The following SLC41A3 variants were observed in gnomAD, a reference collection of about 807,000 sequenced individuals.
SLC41A3 encodes the protein solute carrier family 41 member 3, also known as SLC41A1-like 2.
A neutral mutation model predicts 45.4 loss-of-function variants in SLC41A3; 44 were observed. The observed-to-expected ratio is 0.97, with a 90% CI of 0.76 to 1.25. SLC41A3 has a LOEUF of 1.25. Among genes scored for constraint, SLC41A3 ranks in the 50% most tolerant of loss-of-function variants. SLC41A3 has a pLI of 0.00. For missense variants in SLC41A3, 550 were observed against 600.6 expected (o/e 0.92, Z 0.88); for synonymous variants, 256 against 252.4 (o/e 1.01, Z -0.13).
intron 6 of SLC41A3, 87 bp from the exon 7 acceptor site, chr3:126,016,962 G>C: frequency 3.9e-6 from 6 of 1,537,024 alleles, no homozygotes; most frequent in Middle Eastern, 1.9e-4. Context: ...TGAGAGGTGG[G>C]TGAGGACGCT....
At chr3:126,078,150 G>A (rs1364838454) in intron 1 of SLC41A3, among the ~76,000 whole-genome samples, 2 of 152,108 alleles carry the variant, frequency 1.3e-5, no homozygotes, top group Admixed American at 6.5e-5. Context: ...CCACAGGCAG[G>A]AATGGCCACT....
At chr3:126,012,827 C>T in intron 8 of SLC41A3, 78 bp from the exon 9 acceptor site, 1 of 1,577,100 alleles carries the variant, frequency 6.3e-7, no homozygotes, top group South Asian at 1.1e-5. Context: ...AAGTTCCCTT[C>T]CTCCAGGAAG....
intron 9 of SLC41A3, among the ~76,000 whole-genome samples, chr3:126,009,300 G>T (rs1212577630): frequency 6.6e-6 from 1 of 152,172 alleles, no homozygotes; most frequent in Non-Finnish European, 1.5e-5. Context: ...GCTTAAGGAG[G>T]AAAAGAGCTT....
intron 2 of SLC41A3, among the ~76,000 whole-genome samples, chr3:126,067,093 G>GCGCGCGCCCCCCCCCCCCCCCC (rs1559877784): frequency 5.4e-5 from 4 of 74,552 alleles, no homozygotes; most frequent in African/African-American, 1.4e-4. Context: ...GGGTTGGACC[G>GCGCGCGCCCCCCCCCCCCCCCC]CCCCCCCGCC....
chr3:126,033,765 A>G (rs1941981259), intron 3 of SLC41A3, 87 bp from the exon 4 acceptor site: 2 of 1,348,878 alleles, frequency 1.5e-6, no homozygotes, highest in Non-Finnish European at 2.1e-6. Context: ...CTCTCAGGGA[A>G]GAAATCAACA....
At chr3:126,059,777 G>A (rs1165937036) in intron 2 of SLC41A3, among the ~76,000 whole-genome samples, 2 of 152,124 alleles carry the variant, frequency 1.3e-5, no homozygotes, top group Non-Finnish European at 2.9e-5. Flanking sequence ...CTGGTTTAAA[G>A]GCATCACCTG....
At chr3:126,010,172 T>C (rs1162805181) in intron 9 of SLC41A3, among the ~76,000 whole-genome samples, 1 of 152,060 alleles carries the variant, frequency 6.6e-6, no homozygotes, top group Non-Finnish European at 1.5e-5. Flanking sequence ...CAGATACAAA[T>C]AGACAAAAAA....
At chr3:126,089,147 A>G (rs962073256), upstream of SLC41A3, among the ~76,000 whole-genome samples, 1 of 152,176 alleles carries the variant, frequency 6.6e-6, no homozygotes, top group Non-Finnish European at 1.5e-5. Flanking sequence ...TACCGAAGTC[A>G]TGGTAAATTT....
chr3:126,006,763 G>A lies in SLC41A3; in HGVS notation c.*253C>T. On this transcript the variant is annotated 3_prime_UTR_variant, in exon 11 of 11. Transcript: ENST00000360370. Reference sequence around the variant, plus strand: ...CCTCTCCACAAACGTGTGCACACTTGCACGCTCATTAAGCATGTGCACACA... The same window carrying A: ...CCTCTCCACAAACGTGTGCACACTTACACGCTCATTAAGCATGTGCACACA... 6.9e-7 allele frequency: 1 copy of A among 1,443,018 alleles called. No individual in the cohort carries two copies. The highest frequency in any genetic ancestry group is 2.5e-5 in the East Asian group (1 of 40,186). The allele number at this position is 1,443,018 out of a possible 1,614,324, so 89.4% of individuals were successfully genotyped here. A position where few individuals can be genotyped will look rare whatever the true frequency, so the allele number is the denominator to read the frequency against.
chr3:126,096,186 AC>A (rs2108139042), intron 1 of SLC41A3, among the ~76,000 whole-genome samples: 1 of 152,332 alleles, frequency 6.6e-6, no homozygotes, highest in African/African-American at 2.4e-5. Flanking sequence ...GCAGCTAGTA[AC>A]CCATTAAAAT....
At chr3:126,051,162 A>C in intron 2 of SLC41A3, 112 bp from the exon 3 acceptor site, 1 of 1,232,222 alleles carries the variant, frequency 8.1e-7, no homozygotes, top group East Asian at 2.7e-5. Flanking sequence ...AAATGAACAA[A>C]TAGGACTAAG....
intron 6 of SLC41A3, among the ~76,000 whole-genome samples, chr3:126,022,246 C>G (rs1940951054): frequency 6.6e-6 from 1 of 152,214 alleles, no homozygotes; most frequent in African/African-American, 2.4e-5. Context: ...GGACTCACCG[C>G]TGGTAACAAT....
chr3:126,079,999 G>GA (rs1945072550), intron 1 of SLC41A3, among the ~76,000 whole-genome samples: 1 of 152,118 alleles, frequency 6.6e-6, no homozygotes. Context: ...AGATGGACTG[G>GA]AAAAACAGGA....
chr3:126,050,369 AG>A (rs1031090307), intron 3 of SLC41A3, among the ~76,000 whole-genome samples: 2 of 152,196 alleles, frequency 1.3e-5, no homozygotes, highest in African/African-American at 4.8e-5. Context: ...CATTCTGTGT[AG>A]TAGAAGGGAA....
intron 5 of SLC41A3, chr3:126,024,892 A>G (rs1941209082): frequency 6.6e-6 from 1 of 152,238 alleles, no homozygotes; most frequent in South Asian, 2.1e-4. Context: ...CTCTGTTCCC[A>G]TCAGTGGAAA....
At chr3:126,032,206 T>A (rs988806501) in intron 4 of SLC41A3, among the ~76,000 whole-genome samples, 1 of 152,088 alleles carries the variant, frequency 6.6e-6, no homozygotes, top group Non-Finnish European at 1.5e-5. Context: ...GAGGAGCCAG[T>A]GAAGGAGAGG....
At chr3:126,101,041 C>A (rs1394210426) in intron 1 of SLC41A3, among the ~76,000 whole-genome samples, 1 of 152,248 alleles carries the variant, frequency 6.6e-6, no homozygotes, top group Non-Finnish European at 1.5e-5. Flanking sequence ...GGAGATGAGC[C>A]TCCATGATGT....
intron 3 of SLC41A3, among the ~76,000 whole-genome samples, chr3:126,044,852 C>T (rs573155276): frequency 1.5e-3 from 201 of 132,290 alleles, no homozygotes; most frequent in Non-Finnish European, 2.5e-3. Flanking sequence ...GCCAAGATGA[C>T]GCCACTGCAC....
chr3:126,085,888 T>G (rs1945375981), upstream of SLC41A3, among the ~76,000 whole-genome samples: 1 of 152,122 alleles, frequency 6.6e-6, no homozygotes, highest in South Asian at 2.1e-4. Context: ...AAAATTAATT[T>G]TAAAAATGGC....
Sources: gnomAD v4.1 joint callset for allele counts (sites outside exome capture counted in the v4.1 genomes callset) on GRCh38, gnomAD v4.1.1 for gene constraint, MANE v1.5 for transcripts, NCBI Gene and HGNC (gene_info 2026-07-23, HGNC 2026-07-21) for gene names.